Variants in KIAA1217 observed in about 807,000 individuals in gnomAD.
The protein encoded by KIAA1217 is sickle tail protein homolog.
In KIAA1217, 88 loss-of-function variants were observed where a neutral mutation model predicts 163.9. The ratio of observed to expected loss-of-function variants is 0.54; its 90% CI spans 0.45 to 0.64. The LOEUF is 0.64. Ranked by LOEUF, KIAA1217 falls within the 30% of genes least tolerant of loss-of-function variation. The pLI, the probability that KIAA1217 is intolerant of heterozygous loss-of-function variation, is 0.00. For missense variants in KIAA1217, 2,372 were observed against 2,475.0 expected, an observed-to-expected ratio of 0.96 and a Z score of 0.88; for synonymous variants, 903 against 923.1, an observed-to-expected ratio of 0.98 and a Z score of 0.39.
chr10:24,429,133 TC>T (rs2059393343), intron 3 of KIAA1217, among the ~76,000 whole-genome samples: 1 of 152,178 alleles, frequency 6.6e-6, no homozygotes, highest in Admixed American at 6.5e-5. Flanking sequence ...AATATTTCCC[TC>T]CAGGTTTTCA....
intron 1 of KIAA1217, among the ~76,000 whole-genome samples, chr10:23,807,695 AT>A (rs1380765613): frequency 2.0e-5 from 3 of 152,250 alleles, no homozygotes; most frequent in Admixed American, 2.0e-4. Context: ...ACACAGCCAC[AT>A]CAAAAAAGTA....
chr10:24,413,170 G>A (rs2057949227), intron 3 of KIAA1217, among the ~76,000 whole-genome samples: 1 of 152,124 alleles, frequency 6.6e-6, no homozygotes, highest in Admixed American at 6.6e-5. Flanking sequence ...GGTCTCTTGA[G>A]TTTAGTCCTT....
chr10:24,192,224 G>A (rs1325808278), intron 2 of KIAA1217, among the ~76,000 whole-genome samples: 3 of 152,172 alleles, frequency 2.0e-5, no homozygotes, highest in Non-Finnish European at 4.4e-5. Context: ...TGATCTAATG[G>A]TAATGAACTT....
intron 2 of KIAA1217, among the ~76,000 whole-genome samples, chr10:24,189,091 G>A (rs528942414): frequency 1.4e-5 from 2 of 143,908 alleles, no homozygotes; most frequent in African/African-American, 5.2e-5. Context: ...GGGTGACAGA[G>A]CGAGACTCTG....
At chr10:23,796,707 C>A (rs1836225585) in intron 1 of KIAA1217, among the ~76,000 whole-genome samples, 1 of 152,070 alleles carries the variant, frequency 6.6e-6, no homozygotes. Context: ...GAGGGTAGAG[C>A]AGCTCCAGGG....
At position 23,987,418 on chromosome 10, in the gene KIAA1217, T is replaced by TA. The variant is rs200311407; in HGVS notation, c.-320-19798dup. ...GCCACCCTTCTTACTTTTGTTTTTT[T>TA]AAAAAAAAACCCATCATTTTTATTT... On this transcript the variant is annotated intron_variant, in intron 1 of 18. Coordinates refer to the KIAA1217 transcript ENST00000376462. Among the ~76,000 whole-genome samples the TA allele has an allele frequency of 5.3e-4, 76 of 142,924 alleles. 2 individuals are homozygous for TA. The highest frequency in any genetic ancestry group is 3.8e-3 in the Middle Eastern group (1 of 264). 93.8% of individuals were successfully genotyped at this position (142,924 alleles called of 152,430 possible).
chr10:23,903,624 T>C (rs1842037359), intron 1 of KIAA1217, among the ~76,000 whole-genome samples: 2 of 152,206 alleles, frequency 1.3e-5, no homozygotes, highest in Non-Finnish European at 2.9e-5. Flanking sequence ...CCTCATTCCT[T>C]TCCTACAGGT....
At chr10:24,404,491 C>G (rs192149747) in intron 3 of KIAA1217, among the ~76,000 whole-genome samples, 2 of 144,336 alleles carry the variant, frequency 1.4e-5, no homozygotes, top group East Asian at 4.3e-4. Context: ...CTCTTGAACC[C>G]GGGAGGCAGA....
chr10:24,353,201 T>A (rs181239641), intron 2 of KIAA1217, among the ~76,000 whole-genome samples: 26 of 152,260 alleles, frequency 1.7e-4, no homozygotes, highest in Non-Finnish European at 3.4e-4. Flanking sequence ...ATGTCCCAGA[T>A]GAAAATGGCT....
At position 24,409,997 on chromosome 10, in the gene KIAA1217, C is replaced by CTTTTT. The variant is rs71397947; in HGVS notation, c.554-22985_554-22981dup. Among the ~76,000 whole-genome samples the CTTTTT allele has an allele frequency of 9.8e-4, 121 of 123,844 alleles. 1 individual carries two copies. Among genetic ancestry groups the CTTTTT allele is most frequent in the East Asian group, 2.5e-3 (11 of 4,342 alleles). 81.2% of individuals were successfully genotyped at this position (123,844 alleles called of 152,430 possible). A position where few individuals can be genotyped will look rare whatever the true frequency, so the allele number is the denominator to read the frequency against. ...TTCTTTTCTTTTCTTTTTCTTTTTT[C>CTTTTT]TTTTTTTTTTTTTTTTTGAGACAGG... On this transcript the variant is annotated intron_variant, in intron 3 of 20. Coordinates refer to ENST00000376454, the MANE Select transcript of KIAA1217 (RefSeq NM_019590.5).
intron 2 of KIAA1217, among the ~76,000 whole-genome samples, chr10:24,242,007 A>T: frequency 6.6e-6 from 1 of 152,160 alleles, no homozygotes; most frequent in Non-Finnish European, 1.5e-5. Flanking sequence ...TGGTCCCATG[A>T]ATTAGGCTGC....
At chr10:24,131,028 G>C (rs1428511533) in intron 2 of KIAA1217, among the ~76,000 whole-genome samples, 1 of 152,142 alleles carries the variant, frequency 6.6e-6, no homozygotes, top group Non-Finnish European at 1.5e-5. Flanking sequence ...CATATCTTTA[G>C]ATTACTACAT....
At chr10:23,792,634 A>C (rs1428955136) in intron 1 of KIAA1217, among the ~76,000 whole-genome samples, 2 of 149,894 alleles carry the variant, frequency 1.3e-5, no homozygotes, top group Non-Finnish European at 3.0e-5. Flanking sequence ...CTGGGACTAC[A>C]GGCGCCTGCC....
At chr10:23,952,662 C>T (rs1411891699) in intron 1 of KIAA1217, among the ~76,000 whole-genome samples, 4 of 152,182 alleles carry the variant, frequency 2.6e-5, no homozygotes, top group East Asian at 1.9e-4. Flanking sequence ...TGAGCCTCAG[C>T]GTCCTAACCT....
intron 2 of KIAA1217, among the ~76,000 whole-genome samples, chr10:24,244,046 C>T (rs1034069398): frequency 5.3e-5 from 8 of 152,162 alleles, no homozygotes; most frequent in South Asian, 4.1e-4. Context: ...ATTACTTGCT[C>T]GTAGCACAGG....
intron 2 of KIAA1217, among the ~76,000 whole-genome samples, chr10:24,157,468 CT>C (rs2064931669): frequency 6.6e-6 from 1 of 152,168 alleles, no homozygotes; most frequent in Admixed American, 6.5e-5. Context: ...TTAACAGTGT[CT>C]TTTAGAGAGC....
At chr10:23,765,076 G>A (rs1034458814) in intron 1 of KIAA1217, among the ~76,000 whole-genome samples, 8 of 150,880 alleles carry the variant, frequency 5.3e-5, no homozygotes, top group Non-Finnish European at 1.2e-4. Flanking sequence ...AGTCATTTAA[G>A]TTACACTTTC....
chr10:23,912,871 A>C (rs1178154234), intron 1 of KIAA1217, among the ~76,000 whole-genome samples: 1 of 152,208 alleles, frequency 6.6e-6, no homozygotes. Flanking sequence ...CACTGGCTGC[A>C]GGAGGGGACC....
intron 2 of KIAA1217, among the ~76,000 whole-genome samples, chr10:24,058,123 T>C (rs1589331048): frequency 6.6e-6 from 1 of 152,210 alleles, no homozygotes; most frequent in East Asian, 1.9e-4. Flanking sequence ...GGCTATCTAA[T>C]TTTGCCAACA....
Sources: allele counts gnomAD v4.1 joint callset (sites outside exome capture counted in the v4.1 genomes callset), GRCh38; gene constraint gnomAD v4.1.1; transcripts MANE v1.5; gene names NCBI Gene and HGNC (gene_info 2026-07-23, HGNC 2026-07-21).